POC1B: variants seen among roughly 807,000 people sequenced by gnomAD.
POC1B encodes POC1 centriolar protein homolog B.
Under a neutral mutation model 60.6 loss-of-function variants are expected in POC1B, and 44 were observed. That is an observed-to-expected ratio of 0.73 (90% CI 0.57 to 0.93). The LOEUF (loss-of-function observed/expected upper bound fraction) is 0.93, where lower values mean the gene tolerates loss of function less well. Among genes scored for constraint, POC1B ranks in the 40% least tolerant of loss-of-function variants. The pLI, the probability that POC1B is intolerant of heterozygous loss-of-function variation, is 0.00. For missense variants in POC1B, 555 were observed against 572.3 expected (o/e 0.97, Z 0.31); for synonymous variants, 180 against 198.9 (o/e 0.90, Z 0.80).
intron 2 of POC1B, chr12:89,523,489 A>C: frequency 1.2e-6 from 2 of 1,612,424 alleles, no homozygotes. Flanking sequence ...ACACGGGTGG[A>C]TCTCCAATTT....
chr12:89,432,702 G>T (rs1881089230), intron 10 of POC1B, among the ~76,000 whole-genome samples: 1 of 152,328 alleles, frequency 6.6e-6, no homozygotes, highest in South Asian at 2.1e-4. Context: ...TTATGGAGAA[G>T]TGGTAAAGAA....
At chr12:89,525,761 A>C (rs1341058009) in intron 1 of POC1B, 120 bp downstream of exon 1, 25 of 1,349,096 alleles carry the variant, frequency 1.9e-5, no homozygotes, top group Non-Finnish European at 2.3e-5. Context: ...GGGGCTCAGG[A>C]CCCGGCTACG....
intron 2 of POC1B, chr12:89,502,498 G>T: frequency 9.2e-7 from 1 of 1,083,358 alleles, no homozygotes; most frequent in Non-Finnish European, 1.4e-6. Context: ...AATCTAATAA[G>T]AAAAGGATCT....
chr12:89,404,349 T>C, the POC1B span, among the ~76,000 whole-genome samples: 1 of 152,132 alleles, frequency 6.6e-6, no homozygotes, highest in African/African-American at 2.4e-5. Flanking sequence ...GTGTGACCTA[T>C]GAGGAAACCC....
At chr12:89,403,519 G>A in the POC1B span, among the ~76,000 whole-genome samples, 1 of 152,114 alleles carries the variant, frequency 6.6e-6, no homozygotes, top group African/African-American at 2.4e-5. Flanking sequence ...AGAAGAGTCA[G>A]AGCCTGATAT....
chr12:89,432,860 T>C (rs1881096402), intron 10 of POC1B, among the ~76,000 whole-genome samples: 1 of 152,206 alleles, frequency 6.6e-6, no homozygotes, highest in African/African-American at 2.4e-5. Context: ...CGTAGATCTT[T>C]TTATCCATGG....
At chr12:89,425,033 A>G in intron 11 of POC1B, 128 bp downstream of exon 11, 1 of 886,370 alleles carries the variant, frequency 1.1e-6, no homozygotes, top group Non-Finnish European at 1.7e-6. Context: ...GGGCATTGCC[A>G]CCTTGAGTTT....
intron 2 of POC1B, among the ~76,000 whole-genome samples, chr12:89,515,065 T>C (rs1870382721): frequency 6.6e-6 from 1 of 152,090 alleles, no homozygotes; most frequent in Admixed American, 6.5e-5. Flanking sequence ...CTGACACCTT[T>C]CAAGCAGCAA....
chr12:89,440,662 A>G (rs1358153473), intron 10 of POC1B, among the ~76,000 whole-genome samples: 1 of 152,236 alleles, frequency 6.6e-6, no homozygotes, highest in Non-Finnish European at 1.5e-5. Context: ...AGGTTCCAAG[A>G]TGGCCAAATA....
intron 10 of POC1B, among the ~76,000 whole-genome samples, chr12:89,456,172 C>T (rs964089754): frequency 3.3e-5 from 5 of 152,076 alleles, no homozygotes; most frequent in African/African-American, 1.2e-4. Flanking sequence ...AAGCGCACAC[C>T]ACCACGCCCG....
intron 9 of POC1B, among the ~76,000 whole-genome samples, chr12:89,465,716 T>G (rs897096588): frequency 1.3e-4 from 20 of 151,826 alleles, no homozygotes; most frequent in African/African-American, 4.6e-4. Flanking sequence ...TTAGAAGAAC[T>G]GAAAAGATTG....
chr12:89,488,518 AG>A lies in POC1B; in HGVS notation c.452+3417del, dbSNP rs1868769954. Among the ~76,000 whole-genome samples, 3 of 152,150 alleles carry A rather than the reference AG, an allele frequency of 2.0e-5. No individual in the cohort carries two copies. In the South Asian group the frequency reaches 6.2e-4, roughly 32 times the overall value. ...TTATTATTATTCTGAGATAGAGTCT[AG>A]CTCTGTTGCCCAGGCTGGAGTGAAG... is the stretch of plus-strand genomic sequence containing the variant. On this transcript the variant is annotated intron_variant, in intron 4 of 11. Transcript: ENST00000313546.
chr12:89,409,448 T>C, the POC1B span, among the ~76,000 whole-genome samples: 4 of 152,340 alleles, frequency 2.6e-5, no homozygotes, highest in East Asian at 7.7e-4. Context: ...CGTGGTGTTA[T>C]TTCTGAGGGC....
intron 4 of POC1B, among the ~76,000 whole-genome samples, chr12:89,490,563 T>C (rs1868910366): frequency 6.6e-6 from 1 of 152,160 alleles, no homozygotes; most frequent in South Asian, 2.1e-4. Flanking sequence ...CAGGCTGGTC[T>C]CAAACTCCTG....
At chr12:89,453,738 T>C (rs1882147423) in intron 10 of POC1B, among the ~76,000 whole-genome samples, 1 of 152,224 alleles carries the variant, frequency 6.6e-6, no homozygotes, top group Admixed American at 6.5e-5. Flanking sequence ...TCTTTGCTTA[T>C]ATAAGCAGTT....
At chr12:89,524,568 G>A in intron 2 of POC1B, 2 of 1,609,650 alleles carry the variant, frequency 1.2e-6, no homozygotes, top group Non-Finnish European at 1.7e-6. Flanking sequence ...TCAGGGCTGA[G>A]GCGCAGACGC....
the POC1B span, among the ~76,000 whole-genome samples, chr12:89,405,451 T>C: frequency 6.6e-6 from 1 of 152,122 alleles, no homozygotes; most frequent in Non-Finnish European, 1.5e-5. Context: ...AAGACCAGCC[T>C]GGCCAACGTG....
chr12:89,452,934 T>C (rs1029106830), intron 10 of POC1B, among the ~76,000 whole-genome samples: 5 of 152,214 alleles, frequency 3.3e-5, no homozygotes, highest in Non-Finnish European at 5.9e-5. Flanking sequence ...TTATAACATA[T>C]GGGTCATGAA....
chr12:89,476,235 C>T (rs948528959), intron 4 of POC1B, among the ~76,000 whole-genome samples: 1 of 152,056 alleles, frequency 6.6e-6, no homozygotes, highest in East Asian at 1.9e-4. Flanking sequence ...GAACTTATTT[C>T]TAGTAAAACT....
Sources: allele counts gnomAD v4.1 joint callset (sites outside exome capture counted in the v4.1 genomes callset), GRCh38; gene constraint gnomAD v4.1.1; transcripts MANE v1.5; gene names NCBI Gene and HGNC (gene_info 2026-07-23, HGNC 2026-07-21).